CCDC158: variants seen among roughly 807,000 people sequenced by gnomAD.
The protein encoded by CCDC158 is coiled-coil domain-containing protein 158.
In CCDC158, 116 loss-of-function variants were observed where a neutral mutation model predicts 138.6. The ratio of observed to expected loss-of-function variants is 0.84; its 90% CI spans 0.72 to 0.98. CCDC158 has a LOEUF of 0.98. Ranked by LOEUF, CCDC158 falls within the 50% of genes least tolerant of loss-of-function variation. CCDC158 has a pLI of 0.00. For missense variants in CCDC158, 1,265 were observed against 1,306.1 expected, an observed-to-expected ratio of 0.97 and a Z score of 0.48; for synonymous variants, 436 against 442.4, an observed-to-expected ratio of 0.99 and a Z score of 0.18.
chr4:76,315,196 C>A (rs1472192388), intron 24 of CCDC158, among the ~76,000 whole-genome samples: 4 of 152,120 alleles, frequency 2.6e-5, no homozygotes, highest in African/African-American at 7.2e-5. Flanking sequence ...GCCAAAATCA[C>A]CTCTGGAACA....
At chr4:76,389,895 C>A (rs1727156950) in intron 4 of CCDC158, among the ~76,000 whole-genome samples, 1 of 152,092 alleles carries the variant, frequency 6.6e-6, no homozygotes, top group Admixed American at 6.5e-5. Flanking sequence ...GAAAAATAAA[C>A]ACTTTTCTAG....
chr4:76,325,557 G>GAT (rs1720444827), intron 23 of CCDC158, among the ~76,000 whole-genome samples: 2 of 152,174 alleles, frequency 1.3e-5, no homozygotes, highest in African/African-American at 4.8e-5. Context: ...AAGAAAAGTA[G>GAT]TTCACAGCAT....
chr4:76,381,928 G>A (rs565400399), intron 8 of CCDC158, among the ~76,000 whole-genome samples: 23 of 143,514 alleles, frequency 1.6e-4, no homozygotes, highest in East Asian at 5.8e-4. Flanking sequence ...TGATCTGCCC[G>A]CCTCAGCCTC....
chr4:76,364,654 T>C (rs1388504888), intron 12 of CCDC158, among the ~76,000 whole-genome samples: 2 of 152,352 alleles, frequency 1.3e-5, no homozygotes, highest in Non-Finnish European at 1.5e-5. Context: ...GTATTTCTGG[T>C]GGACAGAACT....
At chr4:76,318,565 C>G (rs1425557256) in intron 24 of CCDC158, among the ~76,000 whole-genome samples, 1 of 152,080 alleles carries the variant, frequency 6.6e-6, no homozygotes, top group African/African-American at 2.4e-5. Flanking sequence ...GGATTCACAG[C>G]TGAATTCTAT....
intron 3 of CCDC158, 149 bp downstream of exon 3, chr4:76,402,989 A>G (rs1308267178): frequency 2.9e-5 from 17 of 592,496 alleles, no homozygotes; most frequent in Non-Finnish European, 4.3e-5. Context: ...CTTCTTCAAA[A>G]AGTAGAATTA....
At chr4:76,336,320 C>T (rs1252619203) in intron 18 of CCDC158, among the ~76,000 whole-genome samples, 1 of 151,956 alleles carries the variant, frequency 6.6e-6, no homozygotes, top group Non-Finnish European at 1.5e-5. Context: ...GTTGCTCCTC[C>T]AGTGAAAATG....
At chr4:76,391,740 T>C (rs2109812109) in intron 4 of CCDC158, among the ~76,000 whole-genome samples, 1 of 151,890 alleles carries the variant, frequency 6.6e-6, no homozygotes, top group East Asian at 1.9e-4. Context: ...GTTGGTTTTT[T>C]GAGAAGATAA....
chr4:76,363,331 G>A (rs906910956), intron 12 of CCDC158, among the ~76,000 whole-genome samples: 1 of 152,220 alleles, frequency 6.6e-6, no homozygotes, highest in Middle Eastern at 3.2e-3. Flanking sequence ...TCTACTCGGA[G>A]AAGGCTCTTG....
chr4:76,320,150 G>A (rs1197401165), intron 24 of CCDC158, among the ~76,000 whole-genome samples: 2 of 152,064 alleles, frequency 1.3e-5, no homozygotes, highest in African/African-American at 4.8e-5. Flanking sequence ...CACCAACAAT[G>A]ACCAAGCTTG....
At chr4:76,325,270 A>G (rs1314593831) in intron 23 of CCDC158, among the ~76,000 whole-genome samples, 1 of 152,230 alleles carries the variant, frequency 6.6e-6, no homozygotes, top group East Asian at 1.9e-4. Context: ...TATCTCTTAC[A>G]AAAGGGAATG....
At chr4:76,373,109 A>C (rs1183703491) in intron 9 of CCDC158, among the ~76,000 whole-genome samples, 1 of 152,154 alleles carries the variant, frequency 6.6e-6, no homozygotes, top group Non-Finnish European at 1.5e-5. Context: ...TCAGCCTCCC[A>C]AAGTGCTGGG....
intron 2 of CCDC158, among the ~76,000 whole-genome samples, chr4:76,408,759 C>T (rs1351648923): frequency 6.6e-6 from 1 of 152,120 alleles, no homozygotes; most frequent in Non-Finnish European, 1.5e-5. Flanking sequence ...GAGGAATTGC[C>T]ACATTGTCTT....
chr4:76,403,124 T>G lies in CCDC158; in HGVS notation c.70+14A>C. ...TCTATTTTTTCCCCATTTTGTTTTA[T>G]AAACAGCACATACCTCCATTAGATG... On this transcript the variant is annotated intron_variant, in intron 3 of 24. Coordinates refer to ENST00000682701, the MANE Select transcript of CCDC158 (RefSeq NM_001394954.1). 1 of 1,575,626 alleles carries G rather than the reference T, an allele frequency of 6.3e-7. No homozygotes were observed. The highest frequency in any genetic ancestry group is 8.7e-7 in the Non-Finnish European group (1 of 1,153,232).
At chr4:76,391,468 G>A (rs767060299) in intron 4 of CCDC158, among the ~76,000 whole-genome samples, 4 of 151,640 alleles carry the variant, frequency 2.6e-5, no homozygotes, top group South Asian at 2.1e-4. Context: ...ATTTAAAATT[G>A]TATTGAAACA....
chr4:76,392,157 A>G (rs1727371831), intron 4 of CCDC158, among the ~76,000 whole-genome samples: 1 of 152,000 alleles, frequency 6.6e-6, no homozygotes, highest in Non-Finnish European at 1.5e-5. Flanking sequence ...AAACCAGACA[A>G]AGACACATCA....
Position 76,351,812 on chromosome 4 carries a change from C to T in CCDC158, c.2446G>A (p.Ala816Thr), listed in dbSNP as rs1723071619. 1.3e-5 allele frequency: 20 copies of T among 1,594,190 alleles called. No individual in the cohort carries two copies. Among genetic ancestry groups the T allele is most frequent in the Non-Finnish European group, 1.6e-5 (19 of 1,162,364 alleles). The change falls in exon 17 of 25, where the codon GCA (alanine) becomes ACA (threonine). Residue 816 changes from alanine to threonine, a missense_variant and splice_region_variant. Physicochemically the swap from Ala to Thr is moderately conservative, Grantham distance 58. Coordinates refer to ENST00000682701, the MANE Select transcript of CCDC158 (RefSeq NM_001394954.1). ...TGACATTCTGCAAACTGCAAAGATG[C>T]CTACAAATGGAGCAATCATAAATGG... ...VTNMEVALDKASLQFAECQDI... is the reference protein window; with the variant it reads ...VTNMEVALDKTSLQFAECQDI...
chr4:76,327,807 C>A (rs1346680012), intron 22 of CCDC158, among the ~76,000 whole-genome samples: 1 of 152,140 alleles, frequency 6.6e-6, no homozygotes, highest in African/African-American at 2.4e-5. Flanking sequence ...AATTTACAGT[C>A]CAGATTTATA....
intron 21 of CCDC158, 47 bp from the exon 22 acceptor site, chr4:76,329,014 A>C (rs758540481): frequency 1.4e-6 from 2 of 1,444,752 alleles, no homozygotes; most frequent in African/African-American, 2.8e-5. Flanking sequence ...TCACAAACAC[A>C]GTACTAAGAT....
Sources: gnomAD v4.1 joint callset for allele counts (sites outside exome capture counted in the v4.1 genomes callset) on GRCh38, gnomAD v4.1.1 for gene constraint, MANE v1.5 for transcripts, NCBI Gene and HGNC (gene_info 2026-07-23, HGNC 2026-07-21) for gene names.